Variants in SLC4A4 observed in about 807,000 individuals in gnomAD.
SLC4A4 encodes solute carrier family 4 member 4.
SLC4A4 carries 27 observed loss-of-function variants against 111.5 expected under a neutral mutation model. The ratio of observed to expected loss-of-function variants is 0.24; its 90% confidence interval spans 0.18 to 0.33. The LOEUF is 0.33. Among genes scored for constraint, SLC4A4 ranks in the 10% least tolerant of loss-of-function variants. The pLI is 1.00. For missense variants in SLC4A4, 909 were observed against 1,315.5 expected (o/e 0.69, Z 4.78); for synonymous variants, 443 against 463.4 (o/e 0.96, Z 0.57).
intron 17 of SLC4A4, among the ~76,000 whole-genome samples, chr4:71,533,842 T>A (rs896717379): frequency 2.6e-5 from 4 of 152,110 alleles, no homozygotes; most frequent in African/African-American, 9.7e-5. Flanking sequence ...TTTCTTGCTA[T>A]CTTTTTACTT....
At chr4:71,250,911 A>C (rs1411288090) in intron 2 of SLC4A4, among the ~76,000 whole-genome samples, 2 of 152,194 alleles carry the variant, frequency 1.3e-5, no homozygotes, top group Admixed American at 6.5e-5. Context: ...TGGCTTCCTC[A>C]AACTGTGGTT....
chr4:71,147,213 A>T (rs532821744), intron 2 of SLC4A4, among the ~76,000 whole-genome samples: 5 of 152,322 alleles, frequency 3.3e-5, no homozygotes, highest in Admixed American at 6.5e-5. Context: ...TAGGAATTAT[A>T]TGAATTTTGT....
intron 18 of SLC4A4, among the ~76,000 whole-genome samples, chr4:71,543,432 GAAACAGA>G (rs1370577146): frequency 6.6e-6 from 1 of 152,098 alleles, no homozygotes; most frequent in African/African-American, 2.4e-5. Flanking sequence ...GATGTCAAGG[GAAACAGA>G]GTACTTATCT....
chr4:71,531,803 AC>A (rs1443687312), intron 16 of SLC4A4, among the ~76,000 whole-genome samples: 80 of 146,552 alleles, frequency 5.5e-4, no homozygotes, highest in African/African-American at 1.9e-3. Context: ...ACACACACAC[AC>A]AGAAAGAGAG....
chr4:71,486,892 T>C (rs1729454079), intron 14 of SLC4A4, 56 bp from the exon 15 acceptor site: 1 of 1,021,848 alleles, frequency 9.8e-7, no homozygotes, highest in Non-Finnish European at 1.5e-6. Context: ...ATTATGCATT[T>C]AAGGTCTTTT....
At position 71,532,131 on chromosome 4, in the gene SLC4A4, G is replaced by A. The variant is rs1486757793; in HGVS notation, c.2236G>A (p.Val746Ile). The A allele has an allele frequency of 6.2e-7, 1 of 1,612,982 alleles. No individual in the cohort carries two copies. Among genetic ancestry groups the A allele is most frequent in the East Asian group, 2.2e-5 (1 of 44,824 alleles). ...ILIFCVIDALVGVDTPKLIVP... is the reference protein window; with the variant it reads ...ILIFCVIDALIGVDTPKLIVP... ...CATCTTTTGTGTAATAGATGCCCTAGTAGGCGTGGACACCCCAAAACTAAT... is the reference window on the plus strand; with the variant it reads ...CATCTTTTGTGTAATAGATGCCCTAATAGGCGTGGACACCCCAAAACTAAT... Residue 746 changes from valine (V) to isoleucine (I), a missense_variant, in exon 17 of 26, where the codon GTA (valine) becomes ATA (isoleucine). By Grantham distance (29) the Val-to-Ile change is conservative. Around this residue, in one of 7 missense-constraint regions of SLC4A4, gnomAD observed 264 missense variants for 356.8 expected, o/e 0.74. Transcript: ENST00000264485.
chr4:71,221,270 G>A (rs747926105), intron 1 of SLC4A4, among the ~76,000 whole-genome samples: 2 of 152,178 alleles, frequency 1.3e-5, no homozygotes, highest in African/African-American at 4.8e-5. Flanking sequence ...AGATAGTTCT[G>A]CTTTTAACTC....
Position 71,389,636 on chromosome 4 carries a change from A to G in SLC4A4, c.731-7941A>G, listed in dbSNP as rs114700258. Among the ~76,000 whole-genome samples the G allele has an allele frequency of 3.8e-3, 580 of 152,302 alleles. 5 individuals are homozygous for G. Among genetic ancestry groups the G allele is most frequent in the African/African-American group, 0.013 (553 of 41,552 alleles). Reference sequence around the variant, plus strand: ...ACAAACTTCTTACTTATTTACTCTAAGGCTGTCCAAGTCTGAAGGTTCTTG... The same window carrying G: ...ACAAACTTCTTACTTATTTACTCTAGGGCTGTCCAAGTCTGAAGGTTCTTG... On this transcript the variant is annotated intron_variant, in intron 6 of 25. Transcript: ENST00000264485.
At chr4:71,251,687 T>C (rs574530818) in intron 2 of SLC4A4, among the ~76,000 whole-genome samples, 1 of 152,336 alleles carries the variant, frequency 6.6e-6, no homozygotes, top group East Asian at 1.9e-4. Flanking sequence ...GTAGTTTTAC[T>C]TCATGAAGTT....
At chr4:71,399,917 G>C (rs947872355) in intron 7 of SLC4A4, among the ~76,000 whole-genome samples, 1 of 152,182 alleles carries the variant, frequency 6.6e-6, no homozygotes, top group Non-Finnish European at 1.5e-5. Context: ...TGATCAGGAA[G>C]AAGAGCATTT....
At chr4:71,087,801 T>G (rs1374821607) in intron 1 of SLC4A4, among the ~76,000 whole-genome samples, 1 of 152,062 alleles carries the variant, frequency 6.6e-6, no homozygotes, top group Non-Finnish European at 1.5e-5. Flanking sequence ...CTTTTACATT[T>G]GCTGAGGAGT....
rs1431072505 is a variant in SLC4A4, at chr4:71,472,927, C to T, written c.1860C>T (p.Gly620=). The part of the protein sequence containing the change: ...YYPINSNFKV[G]YNTLFSCTCV... ...CCATCAACTCCAACTTCAAAGTGGG[C>T]TACAACACTCTCTTTTCCTGTACCT... The change falls in exon 14 of 26, where the codon GGC becomes GGT. Residue 620 remains glycine, a synonymous_variant. Transcript: ENST00000264485. 5.0e-6 allele frequency: 8 copies of T among 1,612,818 alleles called. No individual in the cohort carries two copies. The African/African-American group carries it at 9.4e-5, about 19-fold the overall frequency.
At chr4:71,471,609 C>A (rs1727876502) in intron 13 of SLC4A4, among the ~76,000 whole-genome samples, 1 of 151,894 alleles carries the variant, frequency 6.6e-6, no homozygotes, top group African/African-American at 2.4e-5. Context: ...TATTCTCATG[C>A]AAGTAATACC....
At chr4:71,110,436 C>A (rs1743055192) in intron 2 of SLC4A4, among the ~76,000 whole-genome samples, 1 of 152,110 alleles carries the variant, frequency 6.6e-6, no homozygotes, top group Non-Finnish European at 1.5e-5. Flanking sequence ...AAACTCCTGA[C>A]CTCAGGTATT....
rs1577918646 is a variant in SLC4A4 at position 71,443,948 on chromosome 4, T to C, written c.965+3175T>C. ...TGCTATTAATATTTACCGCATGTAA[T>C]GCAGTTGGTTATGGTGGGTTTGTGG... On this transcript the variant is annotated intron_variant, in intron 8 of 25. Coordinates refer to ENST00000264485, the MANE Select transcript of SLC4A4 (RefSeq NM_001098484.3). 2.0e-5 allele frequency among the ~76,000 whole-genome samples: 3 copies of C among 152,308 alleles called. No individual in the cohort carries two copies. The East Asian group carries it at 5.8e-4, about 29-fold the overall frequency.
rs60338885 is a variant in SLC4A4 at position 71,516,080 on chromosome 4, C to CTT, written c.2167-15950_2167-15949dup. ...TTATTATTTGTGGTTTGGGGGATTT[C>CTT]TTTTTTTTTTTTTTTTTTTTTTTTT... On this transcript the variant is annotated intron_variant, in intron 16 of 25. Transcript: ENST00000264485. Among the ~76,000 whole-genome samples the CTT allele has an allele frequency of 3.3e-4, 10 of 30,618 alleles. 1 individual carries two copies. Among genetic ancestry groups the CTT allele is most frequent in the Admixed American group, 6.1e-4 (1 of 1,644 alleles). 20.1% of individuals were successfully genotyped at this position (30,618 alleles called of 152,430 possible). A position where few individuals can be genotyped will look rare whatever the true frequency, so the allele number is the denominator to read the frequency against.
intron 21 of SLC4A4, among the ~76,000 whole-genome samples, chr4:71,557,498 T>A (rs978445137): frequency 1.3e-5 from 2 of 152,076 alleles, no homozygotes; most frequent in South Asian, 4.1e-4. Flanking sequence ...TTCTTATACA[T>A]CTACATAACA....
At chr4:71,103,322 G>T (rs1177395482) in intron 2 of SLC4A4, among the ~76,000 whole-genome samples, 1 of 151,944 alleles carries the variant, frequency 6.6e-6, no homozygotes, top group East Asian at 1.9e-4. Flanking sequence ...ATTAATAATG[G>T]GAGACTTTAA....
intron 15 of SLC4A4, among the ~76,000 whole-genome samples, chr4:71,488,616 G>T (rs1729623570): frequency 6.6e-6 from 1 of 151,740 alleles, no homozygotes; most frequent in Non-Finnish European, 1.5e-5. Context: ...TGAAGCTCCA[G>T]AGGGTAAATC....
Sources: gnomAD v4.1 joint callset for allele counts (sites outside exome capture counted in the v4.1 genomes callset) on GRCh38, gnomAD v4.1.1 for gene constraint, gnomAD v4.1.1 regional missense constraint, MANE v1.5 for transcripts, NCBI Gene and HGNC (gene_info 2026-07-23, HGNC 2026-07-21) for gene names.